NMBR: variants seen among roughly 807,000 people sequenced by gnomAD.
The protein encoded by NMBR is neuromedin-B receptor.
In NMBR, 16 loss-of-function variants were observed where a neutral mutation model predicts 20.5. The observed-to-expected ratio is 0.78, with a 90% CI of 0.53 to 1.19. The LOEUF (loss-of-function observed/expected upper bound fraction) is 1.19. Among genes scored for constraint, NMBR ranks in the 50% most tolerant of loss-of-function variants. The pLI is 0.00. For missense variants in NMBR, 582 were observed against 499.1 expected, an observed-to-expected ratio of 1.17 and a Z score of -1.58; for synonymous variants, 212 against 196.6, an observed-to-expected ratio of 1.08 and a Z score of -0.65.
intron 1 of NMBR, among the ~76,000 whole-genome samples, chr6:142,137,984 A>T (rs1040648026): frequency 1.4e-4 from 21 of 152,032 alleles, no homozygotes; most frequent in Admixed American, 5.2e-4. Flanking sequence ...TTGGGGAAAA[A>T]AAAAACCTTT....
chr6:142,100,212 T>A (rs928533118), intron 1 of NMBR, among the ~76,000 whole-genome samples: 6 of 152,180 alleles, frequency 3.9e-5, no homozygotes, highest in Admixed American at 3.3e-4. Context: ...CTCCTTCCTG[T>A]TTACCCAAAA....
intron 2 of NMBR, among the ~76,000 whole-genome samples, chr6:142,083,265 T>C (rs545805610): frequency 1.1e-3 from 165 of 152,346 alleles, no homozygotes; most frequent in Non-Finnish European, 2.1e-3. Flanking sequence ...TGATTCTGTT[T>C]CTATGGTTAT....
Position 142,147,074 on chromosome 6 carries a change from T to C in NMBR, c.-694A>G. 1 of 568,456 alleles carries C rather than the reference T, an allele frequency of 1.8e-6. No individual in the cohort carries two copies. Among genetic ancestry groups the C allele is most frequent in the Non-Finnish European group, 3.2e-6 (1 of 316,356 alleles). The allele number at this position is 568,456 out of a possible 1,614,324, so 35.2% of individuals were successfully genotyped here. On this transcript the variant is annotated 5_prime_UTR_variant, in exon 1 of 4. It removes an upstream start codon present in the reference 5' UTR. Transcript: ENST00000258042. ...GAGAGCGCTAGCGCCATGCGCGGCA[T>C]AAGCGCCAAAATGCTCGGGTCTTCT...
chr6:142,138,312 G>C (rs1239901875), intron 1 of NMBR, among the ~76,000 whole-genome samples: 1 of 151,986 alleles, frequency 6.6e-6, no homozygotes, highest in Non-Finnish European at 1.5e-5. Context: ...TGGATCTAAG[G>C]TTTTCATCAT....
chr6:142,126,128 C>T (rs1234854665), intron 1 of NMBR, among the ~76,000 whole-genome samples: 1 of 151,820 alleles, frequency 6.6e-6, no homozygotes, highest in African/African-American at 2.4e-5. Flanking sequence ...ATTCCATATA[C>T]AGTGAAATCA....
At chr6:142,080,782 A>C (rs9496259) in intron 2 of NMBR, among the ~76,000 whole-genome samples, 13,990 of 152,150 alleles carry the variant, frequency 0.092, 720 homozygotes, top group Admixed American at 0.16. Flanking sequence ...TTTTCTGTGG[A>C]AGAAGACAAG....
At chr6:142,127,317 G>A (rs1249937279) in intron 1 of NMBR, among the ~76,000 whole-genome samples, 2 of 151,524 alleles carry the variant, frequency 1.3e-5, no homozygotes. Context: ...GACTTATTTT[G>A]GGGATCCCTT....
At chr6:142,085,321 C>T (rs1055516689) in intron 2 of NMBR, among the ~76,000 whole-genome samples, 10 of 152,104 alleles carry the variant, frequency 6.6e-5, no homozygotes, top group African/African-American at 2.4e-4. Flanking sequence ...GTCAGCAGTT[C>T]GAGACCAGCC....
intron 2 of NMBR, among the ~76,000 whole-genome samples, chr6:142,082,474 T>C (rs1777119125): frequency 6.6e-6 from 1 of 152,164 alleles, no homozygotes; most frequent in Non-Finnish European, 1.5e-5. Context: ...GACGCATCAA[T>C]ATTCAGAAAC....
intron 1 of NMBR, among the ~76,000 whole-genome samples, chr6:142,105,177 T>C (rs1777638415): frequency 2.6e-5 from 4 of 151,808 alleles, no homozygotes; most frequent in Admixed American, 2.0e-4. Context: ...AGTTGGTCAG[T>C]TAGGGTGGGG....
chr6:142,122,955 C>A (rs932531668), intron 1 of NMBR, among the ~76,000 whole-genome samples: 1 of 151,868 alleles, frequency 6.6e-6, no homozygotes, highest in Non-Finnish European at 1.5e-5. Context: ...AATATCTGTT[C>A]TGCAGCCAAT....
intron 1 of NMBR, among the ~76,000 whole-genome samples, chr6:142,135,641 C>T (rs1007926628): frequency 2.1e-5 from 3 of 142,752 alleles, no homozygotes; most frequent in South Asian, 4.8e-4. Flanking sequence ...GCTATCCCTC[C>T]CCCCTCGCCC....
At chr6:142,128,428 C>T (rs1212398091) in intron 1 of NMBR, among the ~76,000 whole-genome samples, 4 of 152,064 alleles carry the variant, frequency 2.6e-5, no homozygotes, top group South Asian at 2.1e-4. Context: ...CAAATGTGGG[C>T]ATCCTTACTT....
chr6:142,136,879 T>C (rs1778269213), intron 1 of NMBR, among the ~76,000 whole-genome samples: 1 of 152,228 alleles, frequency 6.6e-6, no homozygotes, highest in Non-Finnish European at 1.5e-5. Context: ...ACCAGTACCA[T>C]GCTGTTTTGG....
At chr6:142,096,016 T>C (rs1313577173) in intron 1 of NMBR, among the ~76,000 whole-genome samples, 1 of 152,206 alleles carries the variant, frequency 6.6e-6, no homozygotes, top group Non-Finnish European at 1.5e-5. Flanking sequence ...TATCATTTTT[T>C]ATTGCATCTA....
At position 142,078,788 on chromosome 6, in the gene NMBR, C is replaced by T. The variant is rs56262331; in HGVS notation, c.538G>A (p.Val180Met). 22 of 1,613,934 alleles carry T rather than the reference C, an allele frequency of 1.4e-5. No individual in the cohort carries two copies. The highest frequency in any genetic ancestry group is 2.7e-5 in the African/African-American group (2 of 74,958). ...VSVLLAVPEA[V>M]FSEVARISSL... ...CTGATGCGAGCCACTTCTGAAAACA[C>T]CGCTTCGGGAACTGCCAGCAACACG... The change falls in exon 3 of 4, where the codon GTG (valine) becomes ATG (methionine). Residue 180 changes from valine to methionine, a missense_variant. Physicochemically the swap from Val to Met is conservative, Grantham distance 21. Transcript: ENST00000258042.
At chr6:142,098,687 T>G (rs910219967) in intron 1 of NMBR, among the ~76,000 whole-genome samples, 1 of 152,162 alleles carries the variant, frequency 6.6e-6, no homozygotes, top group African/African-American at 2.4e-5. Context: ...AATAAAAAGA[T>G]ATTCCATATT....
chr6:142,126,799 G>A (rs1356812094), intron 1 of NMBR, among the ~76,000 whole-genome samples: 3 of 106,334 alleles, frequency 2.8e-5, no homozygotes, highest in African/African-American at 1.0e-4. Flanking sequence ...AGTTGTATGA[G>A]TTCTTCATAT....
rs117585262 is a variant in NMBR, at chr6:142,113,616, C to T, written c.-663-24295G>A. Among the ~76,000 whole-genome samples, 249 of 152,160 alleles carry T rather than the reference C, an allele frequency of 1.6e-3. 6 individuals are homozygous for T. In the East Asian group the frequency reaches 0.025, roughly 15 times the overall value. ...CCATGTATCTGAATAAATATATTCACTACATTTAGTCTTTCTATCATATAC... is the reference window on the plus strand; with the variant it reads ...CCATGTATCTGAATAAATATATTCATTACATTTAGTCTTTCTATCATATAC... On this transcript the variant is annotated intron_variant, in intron 1 of 3. Transcript: ENST00000258042.
Sources: gnomAD v4.1 joint callset for allele counts (sites outside exome capture counted in the v4.1 genomes callset) on GRCh38, gnomAD v4.1.1 for gene constraint, MANE v1.5 for transcripts, NCBI Gene and HGNC (gene_info 2026-07-23, HGNC 2026-07-21) for gene names.